The following STARD13 variants were observed in gnomAD, a reference collection of about 807,000 sequenced individuals.
STARD13 encodes stAR-related lipid transfer protein 13.
A neutral mutation model predicts 106.4 loss-of-function variants in STARD13; 62 were observed. That is an observed-to-expected ratio of 0.58 (90% CI 0.48 to 0.72). The LOEUF (loss-of-function observed/expected upper bound fraction) is 0.72, where lower values mean the gene tolerates loss of function less well. Ranked by LOEUF, STARD13 falls within the 30% of genes least tolerant of loss-of-function variation. The pLI is 0.00. For missense variants in STARD13, 1,387 were observed against 1,424.0 expected (o/e 0.97, Z 0.42); for synonymous variants, 565 against 553.0 (o/e 1.02, Z -0.31).
intron 1 of STARD13, among the ~76,000 whole-genome samples, chr13:33,327,683 T>C (rs1289107589): frequency 6.6e-6 from 1 of 152,238 alleles, no homozygotes; most frequent in Non-Finnish European, 1.5e-5. Context: ...TTGGTGATTT[T>C]TATAATCAGT....
intron 3 of STARD13, chr13:33,164,171 A>G (rs1374392429): frequency 6.6e-6 from 1 of 152,136 alleles, no homozygotes; most frequent in Non-Finnish European, 1.5e-5. Flanking sequence ...AGCCCATAGT[A>G]TTATTTTCTT....
chr13:33,292,547 G>T (rs1222852823), intron 1 of STARD13, among the ~76,000 whole-genome samples: 1 of 151,394 alleles, frequency 6.6e-6, no homozygotes, highest in African/African-American at 2.4e-5. Context: ...GCTCCAGTAA[G>T]CCATGAGTGT....
the STARD13 span, among the ~76,000 whole-genome samples, chr13:33,640,145 G>T: frequency 6.6e-6 from 1 of 152,188 alleles, no homozygotes; most frequent in Non-Finnish European, 1.5e-5. Context: ...AGGCCCACAA[G>T]GGTGTCAGTG....
intron 4 of STARD13, among the ~76,000 whole-genome samples, chr13:33,132,425 CTT>C (rs1302431761): frequency 3.3e-5 from 5 of 152,212 alleles, no homozygotes; most frequent in Admixed American, 2.6e-4. Flanking sequence ...CTCTTTCTCT[CTT>C]GTCTGCCGCC....
the STARD13 span, among the ~76,000 whole-genome samples, chr13:33,585,777 C>G: frequency 2.0e-5 from 3 of 152,180 alleles, no homozygotes; most frequent in African/African-American, 7.2e-5. Context: ...CAAATTCTGA[C>G]ACATCCTACA....
chr13:33,656,895 A>T, the STARD13 span: 4 of 152,220 alleles, frequency 2.6e-5, no homozygotes, highest in African/African-American at 9.6e-5. Flanking sequence ...TGAATCCTGC[A>T]GTTCTCTAGA....
At chr13:33,622,868 C>G in the STARD13 span, among the ~76,000 whole-genome samples, 1 of 141,056 alleles carries the variant, frequency 7.1e-6, no homozygotes, top group Admixed American at 7.1e-5. Flanking sequence ...TGCAGTGAGC[C>G]GAGATCACGC....
At chr13:33,115,298 C>CT (rs1875200187) in intron 8 of STARD13, among the ~76,000 whole-genome samples, 2 of 152,174 alleles carry the variant, frequency 1.3e-5, no homozygotes, top group Admixed American at 6.5e-5. Flanking sequence ...AGTTTGGAAA[C>CT]TTTGACTCTA....
the STARD13 span, among the ~76,000 whole-genome samples, chr13:33,581,266 T>C: frequency 6.6e-6 from 1 of 152,142 alleles, no homozygotes. Flanking sequence ...ACCCAAGACT[T>C]TTCCCACCAT....
chr13:33,280,310 G>A (rs1052828809), intron 1 of STARD13: 12 of 152,060 alleles, frequency 7.9e-5, no homozygotes, highest in African/African-American at 2.9e-4. Flanking sequence ...TTTTTAAAAG[G>A]CAGTATATCC....
At chr13:33,449,798 C>G in the STARD13 span, among the ~76,000 whole-genome samples, 1 of 151,952 alleles carries the variant, frequency 6.6e-6, no homozygotes, top group Non-Finnish European at 1.5e-5. Context: ...TTGTAGTTAT[C>G]TTTTGCTTCG....
chr13:33,142,305 C>T lies in STARD13; in HGVS notation c.387+5G>A, dbSNP rs1008570154. The T allele has an allele frequency of 1.9e-6, 3 of 1,612,992 alleles. No individual in the cohort carries two copies. The highest frequency in any genetic ancestry group is 3.3e-5 in the Admixed American group (2 of 60,008). On this transcript the variant is annotated splice_donor_5th_base_variant and intron_variant, in intron 4 of 13. Coordinates refer to ENST00000336934, the MANE Select transcript of STARD13 (RefSeq NM_178006.4). ...CCACATTCTTATTAAGGTGTGGGCA[C>T]CTACCTTTTTCCTTTGGAAGTTCAC...
At chr13:33,514,501 C>T in the STARD13 span, among the ~76,000 whole-genome samples, 5 of 151,918 alleles carry the variant, frequency 3.3e-5, no homozygotes, top group South Asian at 4.2e-4. Flanking sequence ...GAGAGGGTGG[C>T]GGTCAAAAGT....
chr13:33,210,159 A>G (rs959306554), intron 1 of STARD13, among the ~76,000 whole-genome samples: 1 of 152,182 alleles, frequency 6.6e-6, no homozygotes. Flanking sequence ...TCTTGCAAAG[A>G]GCCAGGTCTA....
chr13:33,474,997 CTG>C, the STARD13 span, among the ~76,000 whole-genome samples: 1 of 152,044 alleles, frequency 6.6e-6, no homozygotes, highest in African/African-American at 2.4e-5. Context: ...TCTAGAGAAA[CTG>C]TTAAAAAATA....
chr13:33,522,920 G>T, the STARD13 span, among the ~76,000 whole-genome samples: 4 of 152,184 alleles, frequency 2.6e-5, no homozygotes, highest in Non-Finnish European at 5.9e-5. Flanking sequence ...CAGGGCTGTT[G>T]TAAGGATGAA....
chr13:33,407,336 G>A, the STARD13 span, among the ~76,000 whole-genome samples: 4 of 152,164 alleles, frequency 2.6e-5, no homozygotes, highest in Admixed American at 1.3e-4. Context: ...AGGCCTAGGT[G>A]TTCCATCTTG....
chr13:33,540,101 T>C, the STARD13 span, among the ~76,000 whole-genome samples: 1 of 152,214 alleles, frequency 6.6e-6, no homozygotes, highest in Non-Finnish European at 1.5e-5. Flanking sequence ...TAAACTATAG[T>C]AGTTCCCCCT....
chr13:33,535,403 A>AT, the STARD13 span, among the ~76,000 whole-genome samples: 3 of 152,242 alleles, frequency 2.0e-5, no homozygotes, highest in African/African-American at 7.2e-5. Context: ...TTGAACTATA[A>AT]CAATTTCAAA....
Sources: allele counts gnomAD v4.1 joint callset (sites outside exome capture counted in the v4.1 genomes callset), GRCh38; gene constraint gnomAD v4.1.1; transcripts MANE v1.5; gene names NCBI Gene and HGNC (gene_info 2026-07-23, HGNC 2026-07-21).